The following MEGF9 variants were observed in gnomAD, a reference collection of about 807,000 sequenced individuals.
The protein encoded by MEGF9 is multiple EGF like domains 9.
A neutral mutation model predicts 46.8 loss-of-function variants in MEGF9; 6 were observed. The ratio of observed to expected loss-of-function variants is 0.13; its 90% confidence interval spans 0.07 to 0.25. The LOEUF (loss-of-function observed/expected upper bound fraction) is 0.25. MEGF9 is among the 10% of genes least tolerant of loss of function. MEGF9 has a pLI of 1.00. For synonymous variants in MEGF9, 302 were observed against 330.7 expected (o/e 0.91, Z 0.94); for missense variants, 683 against 792.4 (o/e 0.86, Z 1.66).
At chr9:120,703,184 T>C (rs568301207) in intron 1 of MEGF9, among the ~76,000 whole-genome samples, 139 of 152,366 alleles carry the variant, frequency 9.1e-4, no homozygotes, top group African/African-American at 3.2e-3. Context: ...GAGAGAAACA[T>C]TGATTTCTAA....
chr9:120,619,347 C>G (rs1009795796), intron 3 of MEGF9, among the ~76,000 whole-genome samples: 6 of 152,106 alleles, frequency 3.9e-5, no homozygotes, highest in African/African-American at 1.4e-4. Flanking sequence ...AACTCTGTTT[C>G]AGAAAAAACA....
At chr9:120,628,354 C>G (rs1046962073) in intron 2 of MEGF9, among the ~76,000 whole-genome samples, 2 of 150,292 alleles carry the variant, frequency 1.3e-5, no homozygotes, top group African/African-American at 2.5e-5. Flanking sequence ...AAAAGGATAG[C>G]TTTATTGTTG....
At chr9:120,652,571 C>T (rs2043658257) in intron 2 of MEGF9, among the ~76,000 whole-genome samples, 1 of 147,876 alleles carries the variant, frequency 6.8e-6, no homozygotes, top group Non-Finnish European at 1.5e-5. Context: ...AATCTACGTG[C>T]CAGTCTAAGT....
intron 3 of MEGF9, among the ~76,000 whole-genome samples, chr9:120,616,610 C>T (rs940041350): frequency 4.9e-5 from 7 of 143,258 alleles, no homozygotes; most frequent in East Asian, 2.1e-4. Context: ...ATCCGGGAGG[C>T]GGAGCTTGCA....
chr9:120,616,260 ATTAT>A (rs2043472151), intron 3 of MEGF9, among the ~76,000 whole-genome samples: 1 of 151,996 alleles, frequency 6.6e-6, no homozygotes, highest in Non-Finnish European at 1.5e-5. Flanking sequence ...ATATTTAATA[ATTAT>A]TTATTTTTAC....
intron 4 of MEGF9, among the ~76,000 whole-genome samples, chr9:120,609,519 C>T (rs1186400532): frequency 6.6e-6 from 1 of 152,112 alleles, no homozygotes. Context: ...CTGTCTTTAT[C>T]GCCAATGTTT....
At chr9:120,610,184 AT>A (rs2043439061) in intron 4 of MEGF9, among the ~76,000 whole-genome samples, 2 of 152,184 alleles carry the variant, frequency 1.3e-5, no homozygotes, top group Non-Finnish European at 2.9e-5. Flanking sequence ...GCAAACAATA[AT>A]ATGCAGGAAA....
At chr9:120,672,492 A>G (rs2043754198) in intron 1 of MEGF9, among the ~76,000 whole-genome samples, 1 of 151,446 alleles carries the variant, frequency 6.6e-6, no homozygotes, top group Non-Finnish European at 1.5e-5. Context: ...ATGGTGGCAC[A>G]TGCCTGTAGT....
rs1345117529 is a variant in MEGF9, at chr9:120,611,828, AAAGAAAGG to A, written c.1087+560_1087+567del. Among the ~76,000 whole-genome samples, 149 of 138,580 alleles carry A rather than the reference AAAGAAAGG, an allele frequency of 1.1e-3. 1 individual carries two copies. Among genetic ancestry groups the A allele is most frequent in the African/African-American group, 4.2e-3 (136 of 32,156 alleles). The allele number at this position is 138,580 out of a possible 152,430, so 90.9% of individuals were successfully genotyped here. ...AGAAAGAAAGAAAAGAAAAGAAAAG[AAAGAAAGG>A]AAGGAAGGAAGGAAGGAAGGAAGGA... On this transcript the variant is annotated intron_variant, in intron 4 of 5. Coordinates refer to ENST00000373930, the MANE Select transcript of MEGF9 (RefSeq NM_001080497.3).
chr9:120,643,701 T>C (rs574641427), intron 2 of MEGF9, among the ~76,000 whole-genome samples: 47 of 149,300 alleles, frequency 3.1e-4, no homozygotes, highest in Non-Finnish European at 5.6e-4. Flanking sequence ...CTAATGTTTC[T>C]TTTTTTTTTC....
chr9:120,690,118 C>T (rs1433565029), intron 1 of MEGF9: 3 of 389,686 alleles, frequency 7.7e-6, no homozygotes, highest in African/African-American at 2.1e-5. Flanking sequence ...AATAAACATT[C>T]CAGATATATA....
At chr9:120,700,698 CT>C (rs2043900309) in intron 1 of MEGF9, among the ~76,000 whole-genome samples, 1 of 152,058 alleles carries the variant, frequency 6.6e-6, no homozygotes, top group African/African-American at 2.4e-5. Context: ...TTAAGAGAAT[CT>C]AAAAATCTAT....
chr9:120,684,970 G>A (rs2043815530), intron 1 of MEGF9, among the ~76,000 whole-genome samples: 1 of 152,060 alleles, frequency 6.6e-6, no homozygotes, highest in Non-Finnish European at 1.5e-5. Context: ...GAGTAGTTGG[G>A]ACTACAGGCG....
At chr9:120,697,812 A>G (rs1268362205) in intron 1 of MEGF9, among the ~76,000 whole-genome samples, 1 of 152,172 alleles carries the variant, frequency 6.6e-6, no homozygotes, top group Non-Finnish European at 1.5e-5. Context: ...CACTGTGTAC[A>G]TCTCAGAACC....
intron 2 of MEGF9, among the ~76,000 whole-genome samples, chr9:120,647,349 C>T (rs1193800098): frequency 6.6e-6 from 1 of 152,136 alleles, no homozygotes; most frequent in Non-Finnish European, 1.5e-5. Context: ...AAGCTCCTCT[C>T]TGACCATTTA....
At chr9:120,609,066 T>C (rs939771721) in intron 4 of MEGF9, among the ~76,000 whole-genome samples, 1 of 152,060 alleles carries the variant, frequency 6.6e-6, no homozygotes. Flanking sequence ...ATCTCTTCAA[T>C]GGTTCCCTAA....
intron 1 of MEGF9, among the ~76,000 whole-genome samples, chr9:120,666,301 A>C (rs1274266151): frequency 6.6e-6 from 1 of 152,198 alleles, no homozygotes; most frequent in Non-Finnish European, 1.5e-5. Context: ...TAAGTCCAAA[A>C]GATATATCAT....
Position 120,714,121 on chromosome 9 carries a change from T to G in MEGF9, c.238A>C (p.Thr80Pro), listed in dbSNP as rs1466928421. 4.0e-6 allele frequency: 5 copies of G among 1,241,836 alleles called. No homozygotes were observed. The highest frequency in any genetic ancestry group is 5.0e-6 in the Non-Finnish European group (5 of 992,992). The allele number at this position is 1,241,836 out of a possible 1,614,324, so 76.9% of individuals were successfully genotyped here. Residue 80 changes from threonine to proline, a missense_variant, in exon 1 of 6, where the codon ACC becomes CCC. This residue lies in a region of MEGF9 where 370 missense variants were observed against 371.3 expected (regional missense o/e 1.00). Coordinates refer to ENST00000373930, the MANE Select transcript of MEGF9 (RefSeq NM_001080497.3). ...ATAPTAQAPRTGPPRATVHRP... is the reference protein window; with the variant it reads ...ATAPTAQAPRPGPPRATVHRP... ...TGGACGGTGGCGCGCGGGGGCCCGG[T>G]CCTCGGGGCCTGGGCCGTGGGAGCC...
chr9:120,675,898 A>AAC, intron 1 of MEGF9, among the ~76,000 whole-genome samples: 1 of 151,196 alleles, frequency 6.6e-6, no homozygotes, highest in East Asian at 1.9e-4. Context: ...AAAAAAAAAA[A>AAC]AAAAAAAAAA....
Sources: allele counts gnomAD v4.1 joint callset (sites outside exome capture counted in the v4.1 genomes callset), GRCh38; gene constraint gnomAD v4.1.1; regional missense constraint gnomAD v4.1.1; transcripts MANE v1.5; gene names NCBI Gene and HGNC (gene_info 2026-07-23, HGNC 2026-07-21).